Variants in HLCS observed in about 807,000 individuals in gnomAD.
HLCS encodes the protein holocarboxylase synthetase, also known as biotin--protein ligase.
In HLCS, 53 loss-of-function variants were observed where a neutral mutation model predicts 75.0. The ratio of observed to expected loss-of-function variants is 0.71; its 90% CI spans 0.57 to 0.89. HLCS has a LOEUF of 0.89. Among genes scored for constraint, HLCS ranks in the 40% least tolerant of loss-of-function variants. HLCS has a pLI of 0.00. For synonymous variants in HLCS, 431 were observed against 428.6 expected (o/e 1.01, Z -0.07); for missense variants, 966 against 1,074.0 (o/e 0.90, Z 1.41).
At chr21:36,929,219 C>T (rs968304192) in intron 5 of HLCS, among the ~76,000 whole-genome samples, 2 of 152,224 alleles carry the variant, frequency 1.3e-5, no homozygotes, top group African/African-American at 4.8e-5. Context: ...GGGCAGGGAG[C>T]TCTGCCAAGG....
At chr21:36,885,706 C>T (rs990138341) in intron 6 of HLCS, among the ~76,000 whole-genome samples, 4 of 152,130 alleles carry the variant, frequency 2.6e-5, no homozygotes, top group Non-Finnish European at 5.9e-5. Context: ...TATCTCGGCG[C>T]ATCCTCACCC....
At chr21:36,959,262 C>T (rs1411656446) in intron 2 of HLCS, among the ~76,000 whole-genome samples, 2 of 152,208 alleles carry the variant, frequency 1.3e-5, no homozygotes, top group Non-Finnish European at 2.9e-5. Flanking sequence ...TGTCGCAACC[C>T]GGCCAGGTGG....
chr21:36,937,355 C>T lies in HLCS; in HGVS notation c.531G>A (p.Lys177=). ...GGGCTTGCTTGTTTGAGACCTGATC[C>T]TTAACTTCCTTCAGAGTGGAGTCCT... ...HLQDSTLKEV[K]DQVSNKQAQI... The change falls in exon 4 of 11, where the codon AAG becomes AAA. Residue 177 remains lysine (K), a synonymous_variant. Transcript: ENST00000674895. The T allele has an allele frequency of 6.2e-7, 1 of 1,613,948 alleles. No homozygotes were observed.
intron 8 of HLCS, among the ~76,000 whole-genome samples, chr21:36,764,770 T>C (rs1046168320): frequency 1.3e-5 from 2 of 152,176 alleles, no homozygotes; most frequent in African/African-American, 4.8e-5. Flanking sequence ...ATCAGGCTGT[T>C]TGAGAAATCT....
At chr21:36,765,716 C>A (rs1213947842) in intron 7 of HLCS, among the ~76,000 whole-genome samples, 1 of 152,170 alleles carries the variant, frequency 6.6e-6, no homozygotes, top group Non-Finnish European at 1.5e-5. Context: ...CGTGTGATCT[C>A]AGCTCACTGC....
intron 6 of HLCS, among the ~76,000 whole-genome samples, chr21:36,832,400 T>C (rs1343443945): frequency 6.6e-6 from 1 of 152,196 alleles, no homozygotes; most frequent in African/African-American, 2.4e-5. Context: ...CTGAAGCTTT[T>C]CTCTTTAACA....
At chr21:36,758,568 C>T (rs890259145) in intron 9 of HLCS, among the ~76,000 whole-genome samples, 6 of 152,180 alleles carry the variant, frequency 3.9e-5, no homozygotes, top group Admixed American at 6.5e-5. Context: ...CAAGCCACTA[C>T]GCCTGGCCTT....
At chr21:36,952,447 TGTG>T (rs2067710679) in intron 2 of HLCS, among the ~76,000 whole-genome samples, 10 of 152,148 alleles carry the variant, frequency 6.6e-5, no homozygotes, top group African/African-American at 2.4e-4. Context: ...TTAACTGGAC[TGTG>T]GCAATCCTCC....
At chr21:36,971,160 G>T (rs1328326334), upstream of HLCS, among the ~76,000 whole-genome samples, 2 of 152,094 alleles carry the variant, frequency 1.3e-5, no homozygotes, top group African/African-American at 4.8e-5. Context: ...AGCATCAAAA[G>T]AATTTAAATT....
chr21:36,789,045 CTTTTAA>C (rs886862185), intron 6 of HLCS, among the ~76,000 whole-genome samples: 2 of 152,230 alleles, frequency 1.3e-5, no homozygotes, highest in African/African-American at 4.8e-5. Flanking sequence ...TGCTCTACTT[CTTTTAA>C]TTTTGTTTGT....
intron 5 of HLCS, among the ~76,000 whole-genome samples, chr21:36,916,975 A>G (rs2065960860): frequency 6.6e-6 from 1 of 152,214 alleles, no homozygotes; most frequent in Non-Finnish European, 1.5e-5. Flanking sequence ...TGCATCTTCA[A>G]AACAAAAACA....
chr21:36,781,906 A>G (rs2060546084), intron 6 of HLCS, among the ~76,000 whole-genome samples: 1 of 152,196 alleles, frequency 6.6e-6, no homozygotes, highest in Admixed American at 6.5e-5. Context: ...GTTGAATTTT[A>G]TAAAGTGTTT....
At chr21:36,947,617 C>T in intron 2 of HLCS, 1 of 985,458 alleles carries the variant, frequency 1.0e-6, no homozygotes, top group Non-Finnish European at 1.2e-6. Flanking sequence ...GAGTTTCCTC[C>T]TATAATAGCA....
At chr21:36,966,728 C>G (rs565231750), upstream of HLCS, 22,757 of 535,342 alleles carry the variant, frequency 0.043, 680 homozygotes, top group East Asian at 0.14. Context: ...GCCGCGCCGC[C>G]CCCCCGGGCC....
intron 6 of HLCS, among the ~76,000 whole-genome samples, chr21:36,882,598 G>C (rs1035565342): frequency 1.3e-5 from 2 of 149,340 alleles, no homozygotes; most frequent in Non-Finnish European, 3.0e-5. Context: ...GTGTCACCAC[G>C]CCTGGCTAAT....
chr21:36,977,712 C>A (rs1389068644), intron 1 of HLCS, among the ~76,000 whole-genome samples: 1 of 152,210 alleles, frequency 6.6e-6, no homozygotes, highest in Non-Finnish European at 1.5e-5. Flanking sequence ...TCTGACCCCC[C>A]AACTCCCCAA....
At chr21:36,802,019 A>G (rs1296255767) in intron 6 of HLCS, among the ~76,000 whole-genome samples, 1 of 152,212 alleles carries the variant, frequency 6.6e-6, no homozygotes, top group Non-Finnish European at 1.5e-5. Flanking sequence ...TATATGACAT[A>G]AGGTATACAA....
intron 1 of HLCS, chr21:36,975,007 C>G (rs1281104248): frequency 6.6e-6 from 1 of 152,226 alleles, no homozygotes; most frequent in Admixed American, 6.6e-5. Context: ...TGTTCTCTTC[C>G]TTGGTGACCT....
chr21:36,815,680 T>G (rs367970410), intron 6 of HLCS, among the ~76,000 whole-genome samples: 1 of 152,266 alleles, frequency 6.6e-6, no homozygotes, highest in East Asian at 1.9e-4. Flanking sequence ...TGGCCATGGT[T>G]TGACCCTTAG....
Sources: allele counts gnomAD v4.1 joint callset (sites outside exome capture counted in the v4.1 genomes callset), GRCh38; gene constraint gnomAD v4.1.1; transcripts MANE v1.5; gene names NCBI Gene and HGNC (gene_info 2026-07-23, HGNC 2026-07-21).